ULK3: variants seen among roughly 807,000 people sequenced by gnomAD.
ULK3 encodes the protein unc-51 like kinase 3.
A neutral mutation model predicts 69.4 loss-of-function variants in ULK3; 54 were observed. The observed-to-expected ratio is 0.78, with a 90% CI of 0.63 to 0.98. The LOEUF (loss-of-function observed/expected upper bound fraction) is 0.98, where lower values mean the gene tolerates loss of function less well. Ranked by LOEUF, ULK3 falls within the 50% of genes least tolerant of loss-of-function variation. The pLI is 0.00. For missense variants in ULK3, 558 were observed against 627.7 expected, an observed-to-expected ratio of 0.89 and a Z score of 1.19; for synonymous variants, 240 against 254.5, an observed-to-expected ratio of 0.94 and a Z score of 0.54.
intron 7 of ULK3, 21 bp from the exon 8 acceptor site, chr15:74,839,394 G>T: frequency 6.4e-7 from 1 of 1,553,096 alleles, no homozygotes; most frequent in Non-Finnish European, 8.7e-7. Flanking sequence ...GCAGATCAGG[G>T]GTCAGGTCCA....
chr15:74,842,415 G>A lies in ULK3; in HGVS notation c.108C>T (p.Asp36=). Residue 36 remains aspartate (D), a synonymous_variant, in exon 2 of 16, where the codon GAC becomes GAT. Transcript: ENST00000440863. The surrounding 1 kb of genome is among the most constrained non-coding windows in gnomAD (Gnocchi z 4.9). The part of the protein sequence containing the change: ...ATVYKAYAKK[D]TREVVAIKCV... ...ACTTTATGGCTACCACTTCACGAGT[G>A]TCCTTCTGCGAGACAGGAGATTTGG... 2 of 1,613,944 alleles carry A rather than the reference G, an allele frequency of 1.2e-6. No homozygotes were observed. Among genetic ancestry groups the A allele is most frequent in the Non-Finnish European group, 1.7e-6 (2 of 1,179,892 alleles).
chr15:74,839,406 C>T (rs775354232), intron 7 of ULK3, 33 bp from the exon 8 acceptor site: 1 of 1,549,690 alleles, frequency 6.5e-7, no homozygotes, highest in Admixed American at 2.0e-5. Context: ...TCAGGTCCAC[C>T]TCCCTACCCT....
In ULK3 at chr15:74,842,045, G is replaced by A. The variant is rs368536136; in HGVS notation, c.364+30C>T. 6 of 1,613,026 alleles carry A rather than the reference G, an allele frequency of 3.7e-6. No individual in the cohort carries two copies. In the African/African-American group the frequency reaches 6.7e-5, roughly 18 times the overall value. On this transcript the variant is annotated intron_variant, in intron 3 of 15. Coordinates refer to ENST00000440863, the MANE Select transcript of ULK3 (RefSeq NM_001099436.4). The surrounding 1 kb of genome is among the most constrained non-coding windows in gnomAD (Gnocchi z 4.9). ...GGTGGGGGGCAGAGAACAAGGGACA[G>A]AGTGTCAGGCTGGTGTCACAGGCCT...
rs2064242794 is a variant in ULK3 at position 74,841,422 on chromosome 15, G to A, written c.452C>T (p.Pro151Leu). Reference protein sequence around the residue: ...QNILLSSLEKPHLKLADFGFA... With the variant: ...QNILLSSLEKLHLKLADFGFA... ...ACACAGACCTGCCAGTTTTAGGTGG[G>A]GCTTCTCCAAGGAGCTCAGTAGAAT... Residue 151 changes from proline to leucine, a missense_variant, in exon 4 of 16, where the codon CCC becomes CTC. Physicochemically the swap from Pro to Leu is moderately conservative, Grantham distance 98. Transcript: ENST00000440863. The A allele has an allele frequency of 6.2e-7, 1 of 1,613,798 alleles. No individual in the cohort carries two copies. Among genetic ancestry groups the A allele is most frequent in the African/African-American group, 1.3e-5 (1 of 75,022 alleles).
Position 74,840,291 on chromosome 15 carries a change from A to C in ULK3, c.639T>G (p.Phe213Leu). ...CCAGCTCCGAGAACGACCTGGAGGCAAAGGGGGGCTGCCCGAAGAGGGCTT... is the reference window on the plus strand; with the variant it reads ...CCAGCTCCGAGAACGACCTGGAGGCCAAGGGGGGCTGCCCGAAGAGGGCTT... The part of the protein sequence containing the change: ...LYEALFGQPP[F>L]ASRSFSELEE... Residue 213 changes from phenylalanine to leucine, a missense_variant, in exon 6 of 16, where the codon TTT (phenylalanine) becomes TTG (leucine). Physicochemically the swap from Phe to Leu is conservative, Grantham distance 22. Coordinates refer to ENST00000440863, the MANE Select transcript of ULK3 (RefSeq NM_001099436.4). 6.2e-7 allele frequency: 1 copy of C among 1,610,920 alleles called. No individual in the cohort carries two copies.
At chr15:74,840,117 C>T (rs1025046167) in intron 6 of ULK3, 117 bp downstream of exon 6, 1 of 1,319,502 alleles carries the variant, frequency 7.6e-7, no homozygotes, top group Non-Finnish European at 1.0e-6. Flanking sequence ...TGCCCCTCCA[C>T]CACAAAGGCA....
intron 3 of ULK3, 143 bp from the exon 4 acceptor site, chr15:74,841,652 A>C: frequency 1.4e-6 from 1 of 699,874 alleles, no homozygotes; most frequent in Admixed American, 2.5e-5. Context: ...ATAAGCACCA[A>C]GATCACACCA....
Position 74,837,252 on chromosome 15 carries a change from G to A in ULK3, c.1403-8C>T. 8 of 1,593,004 alleles carry A rather than the reference G, an allele frequency of 5.0e-6. No individual in the cohort carries two copies. Among genetic ancestry groups the A allele is most frequent in the Non-Finnish European group, 6.0e-6 (7 of 1,168,226 alleles). On this transcript the variant is annotated splice_region_variant and splice_polypyrimidine_tract_variant and intron_variant, in intron 15 of 15. Transcript: ENST00000440863. The stretch of plus-strand genomic sequence containing the variant: ...GTCACTGAAGGGTGCAAGCTACGGG[G>A]GTGAGGGGGACAATGGGGGAGGGTC...
Position 74,838,356 on chromosome 15 carries a change from A to G in ULK3, c.1168-12T>C. 6.4e-7 allele frequency: 1 copy of G among 1,567,784 alleles called. No individual in the cohort carries two copies. The highest frequency in any genetic ancestry group is 2.4e-5 in the East Asian group (1 of 41,840). On this transcript the variant is annotated splice_polypyrimidine_tract_variant and intron_variant, in intron 11 of 15. Coordinates refer to ENST00000440863, the MANE Select transcript of ULK3 (RefSeq NM_001099436.4). ...CCGGCGGCCTCCTCCTGCAGCCACA[A>G]GGACACCAGGCTGCTTAGGGTCATG...
At position 74,838,859 on chromosome 15, in the gene ULK3, C is replaced by A. The variant is rs1214869452; in HGVS notation, c.1000-114G>T. ...TGACTGCCTCAAGCTATAAACATGT[C>A]AGGGGGCAAATGTGGCTGGCCTGAC... On this transcript the variant is annotated intron_variant, in intron 9 of 15. Transcript: ENST00000440863. 4 of 1,401,672 alleles carry A rather than the reference C, an allele frequency of 2.9e-6. No homozygotes were observed. In the South Asian group the frequency reaches 5.2e-5, roughly 18 times the overall value. The allele number at this position is 1,401,672 out of a possible 1,614,324, so 86.8% of individuals were successfully genotyped here.
intron 3 of ULK3, 41 bp from the exon 4 acceptor site, chr15:74,841,550 A>C (rs1596403189): frequency 6.4e-7 from 1 of 1,566,668 alleles, no homozygotes; most frequent in Non-Finnish European, 8.8e-7. Context: ...TTCAGAGCCC[A>C]TTCCCGCCTG....
Position 74,840,244 on chromosome 15 carries a change from C to G in ULK3, c.686G>C (p.Arg229Pro). ...CCCTGCTAGACACACCTCGATGACCCGGTTGCTACGGATCTTCTCTTCCAG... is the reference window on the plus strand; with the variant it reads ...CCCTGCTAGACACACCTCGATGACCGGGTTGCTACGGATCTTCTCTTCCAG... ...SELEEKIRSN[R>P]VIELPLRPLL... The change falls in exon 6 of 16, where the codon CGG (arginine) becomes CCG (proline). Residue 229 changes from arginine to proline, a missense_variant. By Grantham distance (103) the Arg-to-Pro change is moderately radical. Coordinates refer to ENST00000440863, the MANE Select transcript of ULK3 (RefSeq NM_001099436.4). The G allele has an allele frequency of 6.2e-7, 1 of 1,609,552 alleles. No homozygotes were observed. The highest frequency in any genetic ancestry group is 8.5e-7 in the Non-Finnish European group (1 of 1,178,156).
rs1231227867 is a variant in ULK3, at chr15:74,842,491, T to G, written c.103-71A>C. 3 of 1,609,088 alleles carry G rather than the reference T, an allele frequency of 1.9e-6. No individual in the cohort carries two copies. The highest frequency in any genetic ancestry group is 2.5e-6 in the Non-Finnish European group (3 of 1,179,752). On this transcript the variant is annotated intron_variant, in intron 1 of 15. Coordinates refer to ENST00000440863, the MANE Select transcript of ULK3 (RefSeq NM_001099436.4). The surrounding 1 kb of genome is among the most constrained non-coding windows in gnomAD (Gnocchi z 4.9). The stretch of plus-strand genomic sequence containing the variant: ...CCCTTGTCTGACTGGAAAGGCTCTA[T>G]CTGGTTCCCTCTGTTCCCCCACCCC...
In ULK3 at chr15:74,836,832, A is replaced by G. The variant is rs1031192258; in HGVS notation, c.*396T>C. On this transcript the variant is annotated 3_prime_UTR_variant, in exon 16 of 16. Transcript: ENST00000440863. The surrounding 1 kb of genome is among the most constrained non-coding windows in gnomAD (Gnocchi z 4.0). ...GTCCCGGGAAGGGCAGGCCAGGGGC[A>G]CAGCTGCCTGCTGGCAGGGCGAGGG... 3.3e-5 allele frequency: 6 copies of G among 179,738 alleles called. No individual in the cohort carries two copies. In the South Asian group the frequency reaches 9.0e-4, roughly 27 times the overall value. The allele number at this position is 179,738 out of a possible 1,614,324, so 11.1% of individuals were successfully genotyped here.
chr15:74,841,319 A>G (rs1403270264), intron 4 of ULK3, 86 bp downstream of exon 4: 1 of 1,160,998 alleles, frequency 8.6e-7, no homozygotes, highest in Non-Finnish European at 1.3e-6. Context: ...AGAGGGCTCC[A>G]TAAGAACCAG....
chr15:74,839,730 G>A lies in ULK3; in HGVS notation c.697-17C>T, dbSNP rs1261345851. 12 of 1,518,608 alleles carry A rather than the reference G, an allele frequency of 7.9e-6. No homozygotes were observed. In the Admixed American group the frequency reaches 8.1e-5, roughly 10 times the overall value. 94.1% of individuals were successfully genotyped at this position (1,518,608 alleles called of 1,614,324 possible). On this transcript the variant is annotated splice_polypyrimidine_tract_variant and intron_variant, in intron 6 of 15. Coordinates refer to ENST00000440863, the MANE Select transcript of ULK3 (RefSeq NM_001099436.4). ...CAAGGGGAGCTGCAGGGAAGGGAACGGCAGGGACAGATCACACTGGGCTCC... is the reference window on the plus strand; with the variant it reads ...CAAGGGGAGCTGCAGGGAAGGGAACAGCAGGGACAGATCACACTGGGCTCC...
At position 74,839,379 on chromosome 15, in the gene ULK3, G is replaced by A. The variant is rs370229235; in HGVS notation, c.853-6C>T. 7.7e-6 allele frequency: 12 copies of A among 1,557,080 alleles called. No individual in the cohort carries two copies. The highest frequency in any genetic ancestry group is 1.0e-5 in the Non-Finnish European group (12 of 1,150,086). On this transcript the variant is annotated splice_polypyrimidine_tract_variant and splice_region_variant and intron_variant, in intron 7 of 15. Transcript: ENST00000440863. The stretch of plus-strand genomic sequence containing the variant: ...GCCTGCACCACCAGGGCGGTCTGGG[G>A]ATGGGCAGATCAGGGGTCAGGTCCA...
rs775740328 is a variant in ULK3 at position 74,842,526 on chromosome 15, C to T, written c.103-106G>A. ...TCTGTTCCCCCACCCCGCCCCTCCC[C>T]GGGTCTACCTACTGCACACCAGCAC... On this transcript the variant is annotated intron_variant, in intron 1 of 15. Coordinates refer to ENST00000440863, the MANE Select transcript of ULK3 (RefSeq NM_001099436.4). The surrounding 1 kb of genome is among the most constrained non-coding windows in gnomAD (Gnocchi z 4.9). The T allele has an allele frequency of 2.5e-6, 4 of 1,598,880 alleles. No homozygotes were observed. In the South Asian group the frequency reaches 3.3e-5, roughly 13 times the overall value.
intron 12 of ULK3, 27 bp downstream of exon 12, chr15:74,838,239 G>C (rs1474295261): frequency 6.4e-7 from 1 of 1,564,272 alleles, no homozygotes; most frequent in Non-Finnish European, 8.7e-7. Flanking sequence ...CAGAGGCCCT[G>C]TGGGGGGCAT....
Sources: gnomAD v4.1 joint callset for allele counts on GRCh38, gnomAD v4.1.1 for gene constraint, Gnocchi (gnomAD v3.1) non-coding constraint, MANE v1.5 for transcripts, NCBI Gene and HGNC (gene_info 2026-07-23, HGNC 2026-07-21) for gene names.